ADAMTS12: variants seen among roughly 807,000 people sequenced by gnomAD.
The protein encoded by ADAMTS12 is A disintegrin and metalloproteinase with thrombospondin motifs 12.
Under a neutral mutation model 167.8 loss-of-function variants are expected in ADAMTS12, and 118 were observed. The ratio of observed to expected loss-of-function variants is 0.70; its 90% CI spans 0.61 to 0.82. The LOEUF is 0.82. Ranked by LOEUF, ADAMTS12 falls within the 40% of genes least tolerant of loss-of-function variation. ADAMTS12 has a pLI of 0.00. For missense variants in ADAMTS12, 1,916 were observed against 1,998.8 expected, an observed-to-expected ratio of 0.96 and a Z score of 0.79; for synonymous variants, 704 against 716.9, an observed-to-expected ratio of 0.98 and a Z score of 0.29.
rs760801296 is a variant in ADAMTS12 at position 33,588,663 on chromosome 5, G to A, written c.2801C>T (p.Thr934Ile). 8 of 1,614,158 alleles carry A rather than the reference G, an allele frequency of 5.0e-6. No homozygotes were observed. The highest frequency in any genetic ancestry group is 6.8e-6 in the Non-Finnish European group (8 of 1,180,026). ...GATGTCTCTGTTGCAGGAAAGGAGG[G>A]TCTTGGGCTTCAGCAGGTGCTGGCA... ...TDCQHLLKPK[T>I]LLSCNRDILC... The change falls in exon 18 of 24, where the codon ACC becomes ATC. Residue 934 changes from threonine (T) to isoleucine (I), a missense_variant. By Grantham distance (89) the Thr-to-Ile change is moderately conservative. Transcript: ENST00000504830.
intron 2 of ADAMTS12, among the ~76,000 whole-genome samples, chr5:33,819,771 G>A (rs1356059586): frequency 6.6e-6 from 1 of 152,040 alleles, no homozygotes; most frequent in Non-Finnish European, 1.5e-5. Context: ...CTCATCTGGG[G>A]GCCATCAGTG....
intron 6 of ADAMTS12, among the ~76,000 whole-genome samples, chr5:33,660,061 C>T (rs898583887): frequency 5.9e-5 from 9 of 152,102 alleles, no homozygotes; most frequent in African/African-American, 9.7e-5. Context: ...ATAGGCCCAA[C>T]GACAAAGAAT....
chr5:33,801,316 G>A (rs901504608), intron 2 of ADAMTS12, among the ~76,000 whole-genome samples: 2 of 152,336 alleles, frequency 1.3e-5, no homozygotes, highest in East Asian at 3.9e-4. Flanking sequence ...CATGGTGGGA[G>A]TATTTACACC....
intron 2 of ADAMTS12, among the ~76,000 whole-genome samples, chr5:33,781,167 T>C (rs1357614446): frequency 6.6e-6 from 1 of 152,122 alleles, no homozygotes; most frequent in Non-Finnish European, 1.5e-5. Flanking sequence ...AATTCATACA[T>C]ACATAGATAT....
intron 5 of ADAMTS12, among the ~76,000 whole-genome samples, chr5:33,670,422 A>C (rs1235998370): frequency 6.6e-6 from 1 of 152,152 alleles, no homozygotes; most frequent in African/African-American, 2.4e-5. Flanking sequence ...TCATTATGGA[A>C]AAACAGTTTG....
chr5:33,629,059 C>T (rs938522240), intron 13 of ADAMTS12, among the ~76,000 whole-genome samples: 28 of 152,290 alleles, frequency 1.8e-4, no homozygotes, highest in African/African-American at 1.9e-4. Flanking sequence ...CCTATTAATT[C>T]GGGATCTCTG....
chr5:33,730,289 G>GGGGTGTGTGTGTGTGTGT (rs1554038433), intron 3 of ADAMTS12, among the ~76,000 whole-genome samples: 5 of 144,154 alleles, frequency 3.5e-5, no homozygotes, highest in Admixed American at 2.8e-4. Flanking sequence ...AGTCCATTAG[G>GGGGTGTGTGTGTGTGTGT]GTGTGTGTGT....
rs985187205 is a variant in ADAMTS12 at position 33,526,991 on chromosome 5, G to C, written c.*197C>G. 5 of 613,732 alleles carry C rather than the reference G, an allele frequency of 8.1e-6. No individual in the cohort carries two copies. Among genetic ancestry groups the C allele is most frequent in the African/African-American group, 7.3e-5 (4 of 54,428 alleles). 38.0% of individuals were successfully genotyped at this position (613,732 alleles called of 1,614,324 possible). A position where few individuals can be genotyped will look rare whatever the true frequency, so the allele number is the denominator to read the frequency against. On this transcript the variant is annotated 3_prime_UTR_variant, in exon 24 of 24. Coordinates refer to ENST00000504830, the MANE Select transcript of ADAMTS12 (RefSeq NM_030955.4). ...AGCTATTTCACCTTCCTATCAGGGA[G>C]CAGCAAGTACGGCAGCCTAGGCCTC...
chr5:33,570,163 A>G (rs1197432861), intron 19 of ADAMTS12, among the ~76,000 whole-genome samples: 1 of 152,252 alleles, frequency 6.6e-6, no homozygotes, highest in Non-Finnish European at 1.5e-5. Context: ...CCAAGTTGGA[A>G]AACACTCTGC....
chr5:33,806,025 AGT>A (rs1383287533), intron 2 of ADAMTS12, among the ~76,000 whole-genome samples: 3 of 152,240 alleles, frequency 2.0e-5, no homozygotes, highest in African/African-American at 7.2e-5. Flanking sequence ...GTGGTAAATA[AGT>A]GTAAATATCT....
At chr5:33,778,510 AC>A (rs918139902) in intron 2 of ADAMTS12, among the ~76,000 whole-genome samples, 3 of 149,206 alleles carry the variant, frequency 2.0e-5, no homozygotes, top group African/African-American at 7.8e-5. Context: ...CATACCATAT[AC>A]AAAAATTAAC....
Position 33,579,507 on chromosome 5 carries a change from A to G in ADAMTS12, c.2866-2347T>C, listed in dbSNP as rs1746943373. On this transcript the variant is annotated intron_variant, in intron 18 of 23. Transcript: ENST00000504830. Reference sequence around the variant, plus strand: ...GTTTGTTTTGACTTGAAATGTTGCTAATATCTCTAAAGAAGTTAGCTTTAC... The same window carrying G: ...GTTTGTTTTGACTTGAAATGTTGCTGATATCTCTAAAGAAGTTAGCTTTAC... Among the ~76,000 whole-genome samples the G allele has an allele frequency of 1.3e-5, 2 of 152,058 alleles. 1 individual carries two copies. The highest frequency in any genetic ancestry group is 4.2e-4 in the South Asian group (2 of 4,808).
intron 2 of ADAMTS12, among the ~76,000 whole-genome samples, chr5:33,783,242 T>G (rs1019287078): frequency 1.2e-4 from 18 of 151,954 alleles, no homozygotes; most frequent in Admixed American, 8.5e-4. Context: ...ATTTATGGGT[T>G]ACAATGAAAA....
chr5:33,885,727 T>C (rs938057693), intron 1 of ADAMTS12, among the ~76,000 whole-genome samples: 2 of 152,190 alleles, frequency 1.3e-5, no homozygotes, highest in Non-Finnish European at 2.9e-5. Flanking sequence ...GAATTCACCT[T>C]GGAAGAGGCA....
At chr5:33,601,036 C>A (rs13156200) in intron 16 of ADAMTS12, among the ~76,000 whole-genome samples, 76,051 of 151,452 alleles carry the variant, frequency 0.5, 19,401 homozygotes, top group South Asian at 0.62. Context: ...TTCAGATCTA[C>A]CCTTCATAAT....
chr5:33,786,908 G>C (rs1414896586), intron 2 of ADAMTS12, among the ~76,000 whole-genome samples: 1 of 152,164 alleles, frequency 6.6e-6, no homozygotes. Flanking sequence ...TGCCTTTGGT[G>C]GGGATTCTGG....
At chr5:33,573,987 C>A (rs1352609016) in intron 19 of ADAMTS12, among the ~76,000 whole-genome samples, 1 of 152,170 alleles carries the variant, frequency 6.6e-6, no homozygotes, top group African/African-American at 2.4e-5. Context: ...CCAAAAGACA[C>A]ATGAAAAAAT....
At chr5:33,862,771 G>A (rs937015568) in intron 2 of ADAMTS12, among the ~76,000 whole-genome samples, 2 of 152,138 alleles carry the variant, frequency 1.3e-5, no homozygotes, top group African/African-American at 2.4e-5. Context: ...TATCCCTGAT[G>A]AACATCAAGG....
chr5:33,679,627 A>C (rs973873192), intron 5 of ADAMTS12, among the ~76,000 whole-genome samples: 2 of 152,188 alleles, frequency 1.3e-5, no homozygotes, highest in African/African-American at 4.8e-5. Context: ...ATCCCAGCTT[A>C]GACATCCAAG....
Sources: gnomAD v4.1 joint callset for allele counts (sites outside exome capture counted in the v4.1 genomes callset) on GRCh38, gnomAD v4.1.1 for gene constraint, MANE v1.5 for transcripts, NCBI Gene and HGNC (gene_info 2026-07-23, HGNC 2026-07-21) for gene names.